Variants in SLC36A1 observed in about 807,000 individuals in gnomAD.
SLC36A1 encodes the protein proton-coupled amino acid transporter 1.
Under a neutral mutation model 47.5 loss-of-function variants are expected in SLC36A1, and 30 were observed. The observed-to-expected ratio is 0.63, with a 90% confidence interval of 0.47 to 0.86. The LOEUF (loss-of-function observed/expected upper bound fraction) is 0.86, where lower values mean the gene tolerates loss of function less well. Ranked by LOEUF, SLC36A1 falls within the 40% of genes least tolerant of loss-of-function variation. The pLI, the probability that SLC36A1 is intolerant of heterozygous loss-of-function variation, is 0.00. For synonymous variants in SLC36A1, 255 were observed against 249.7 expected (o/e 1.02, Z -0.20); for missense variants, 517 against 606.0 (o/e 0.85, Z 1.54).
At chr5:151,413,710 C>T in the SLC36A1 span, among the ~76,000 whole-genome samples, 2 of 151,800 alleles carry the variant, frequency 1.3e-5, no homozygotes, top group Non-Finnish European at 2.9e-5. Flanking sequence ...CTTTTGTGTA[C>T]TGAGGGGAAG....
At chr5:151,385,007 AGAGTGT>A in the SLC36A1 span, among the ~76,000 whole-genome samples, 2 of 102,018 alleles carry the variant, frequency 2.0e-5, no homozygotes, top group African/African-American at 5.7e-5. Flanking sequence ...AGAGAGAGAG[AGAGTGT>A]GTGTGTGTGT....
the SLC36A1 span, among the ~76,000 whole-genome samples, chr5:151,429,214 T>A: frequency 4.8e-3 from 728 of 152,182 alleles, 5 homozygotes; most frequent in African/African-American, 0.017. Flanking sequence ...TAAAATTTTT[T>A]TTATTATTAT....
At chr5:151,430,957 A>G in the SLC36A1 span, among the ~76,000 whole-genome samples, 1 of 152,194 alleles carries the variant, frequency 6.6e-6, no homozygotes, top group African/African-American at 2.4e-5. Context: ...GTGTGTACAT[A>G]TCTTCCTCCC....
chr5:151,421,215 T>TCCTC, the SLC36A1 span, among the ~76,000 whole-genome samples: 7 of 142,758 alleles, frequency 4.9e-5, no homozygotes, highest in East Asian at 4.3e-4. Flanking sequence ...CTTCCTTCCT[T>TCCTC]CCTCCCTTTC....
At chr5:151,394,898 G>A in the SLC36A1 span, among the ~76,000 whole-genome samples, 28 of 152,332 alleles carry the variant, frequency 1.8e-4, no homozygotes, top group East Asian at 3.7e-3. Context: ...CTCCAGCTGC[G>A]TGCTAGGAGA....
At position 151,491,550 on chromosome 5, in the gene SLC36A1, T is replaced by G. The variant is rs1470289065; in HGVS notation, c.*3296T>G. On this transcript the variant is annotated 3_prime_UTR_variant, in exon 11 of 11. Transcript: ENST00000243389. ...TCAGATTTCTCCCTTCCTAGAACAT[T>G]CTCTCTGTTTAGCACTAATGTTCAC... 1.3e-5 allele frequency: 2 copies of G among 152,656 alleles called. No homozygotes were observed. Among genetic ancestry groups the G allele is most frequent in the African/African-American group, 4.8e-5 (2 of 41,466 alleles). 9.5% of individuals were successfully genotyped at this position (152,656 alleles called of 1,614,324 possible). A position where few individuals can be genotyped will look rare whatever the true frequency, so the allele number is the denominator to read the frequency against.
the SLC36A1 span, chr5:151,507,612 C>G: frequency 1.3e-6 from 2 of 1,512,052 alleles, no homozygotes; most frequent in Admixed American, 4.1e-5. Context: ...CATTTCACAC[C>G]TGCGGAGACA....
the SLC36A1 span, among the ~76,000 whole-genome samples, chr5:151,424,240 T>A: frequency 1.3e-5 from 2 of 152,050 alleles, no homozygotes; most frequent in Non-Finnish European, 2.9e-5. Context: ...ACATGGAGAC[T>A]CTCCCAGTCA....
chr5:151,501,386 G>C, the SLC36A1 span, among the ~76,000 whole-genome samples: 3 of 150,520 alleles, frequency 2.0e-5, no homozygotes, highest in Admixed American at 2.0e-4. Context: ...GGGCTTTCCT[G>C]TCTCGGTGTC....
chr5:151,376,142 G>A, the SLC36A1 span, among the ~76,000 whole-genome samples: 3 of 152,198 alleles, frequency 2.0e-5, no homozygotes, highest in African/African-American at 7.2e-5. Context: ...GTTGTATACG[G>A]CCCTTGTTGT....
the SLC36A1 span, among the ~76,000 whole-genome samples, chr5:151,350,766 ATCGCGGC>A: frequency 2.6e-5 from 4 of 151,912 alleles, no homozygotes; most frequent in African/African-American, 9.7e-5. Context: ...CAATGGTGTG[ATCGCGGC>A]TCACTGCAAC....
downstream of SLC36A1, among the ~76,000 whole-genome samples, chr5:151,493,000 C>G (rs1382027989): frequency 6.6e-6 from 1 of 152,128 alleles, no homozygotes; most frequent in Non-Finnish European, 1.5e-5. Context: ...CTATGTGTAT[C>G]TGTGTTCACA....
At chr5:151,376,728 G>A in the SLC36A1 span, among the ~76,000 whole-genome samples, 3 of 152,022 alleles carry the variant, frequency 2.0e-5, no homozygotes, top group African/African-American at 4.8e-5. Flanking sequence ...TGCCTCCCAG[G>A]TTCATGTGAT....
intron 8 of SLC36A1, among the ~76,000 whole-genome samples, 157 bp downstream of exon 8, chr5:151,473,928 G>C (rs902889277): frequency 6.6e-6 from 1 of 152,016 alleles, no homozygotes; most frequent in Admixed American, 6.5e-5. Flanking sequence ...GGGAGGCCTA[G>C]ACTGGTGGAT....
chr5:151,478,214 A>G (rs574158236), intron 9 of SLC36A1, among the ~76,000 whole-genome samples: 1 of 152,342 alleles, frequency 6.6e-6, no homozygotes, highest in African/African-American at 2.4e-5. Flanking sequence ...GTATTAGCAC[A>G]TTTAAATAGA....
At chr5:151,463,709 A>C in intron 3 of SLC36A1, 66 bp downstream of exon 3, 2 of 1,222,130 alleles carry the variant, frequency 1.6e-6, no homozygotes, top group Non-Finnish European at 2.4e-6. Context: ...TGTTGTTGTT[A>C]AAATGTACTT....
the SLC36A1 span, among the ~76,000 whole-genome samples, chr5:151,417,704 G>A: frequency 9.3e-6 from 1 of 107,368 alleles, no homozygotes; most frequent in Admixed American, 8.5e-5. Flanking sequence ...GGGAAGCAGA[G>A]CATAAAAGTT....
chr5:151,380,179 A>G, the SLC36A1 span, among the ~76,000 whole-genome samples: 1 of 152,198 alleles, frequency 6.6e-6, no homozygotes, highest in Admixed American at 6.5e-5. Flanking sequence ...GAAAAATAGG[A>G]CATCACTCTA....
At chr5:151,395,723 G>C in the SLC36A1 span, among the ~76,000 whole-genome samples, 5 of 152,164 alleles carry the variant, frequency 3.3e-5, no homozygotes, top group Non-Finnish European at 5.9e-5. Flanking sequence ...ATGGTAGATG[G>C]GCTGTGATAA....
Sources: gnomAD v4.1 joint callset for allele counts (sites outside exome capture counted in the v4.1 genomes callset) on GRCh38, gnomAD v4.1.1 for gene constraint, MANE v1.5 for transcripts, NCBI Gene and HGNC (gene_info 2026-07-23, HGNC 2026-07-21) for gene names.